GMDS: variants seen among roughly 807,000 people sequenced by gnomAD.
The protein encoded by GMDS is GDP-mannose 4,6 dehydratase.
Under a neutral mutation model 49.9 loss-of-function variants are expected in GMDS, and 20 were observed. The observed-to-expected ratio is 0.40, with a 90% CI of 0.28 to 0.58. The LOEUF (loss-of-function observed/expected upper bound fraction) is 0.58, where lower values mean the gene tolerates loss of function less well. Among genes scored for constraint, GMDS ranks in the 20% least tolerant of loss-of-function variants. The pLI, the probability that GMDS is intolerant of heterozygous loss-of-function variation, is 0.42. For missense variants in GMDS, 362 were observed against 481.4 expected, an observed-to-expected ratio of 0.75 and a Z score of 2.32; for synonymous variants, 177 against 178.6, an observed-to-expected ratio of 0.99 and a Z score of 0.07.
At chr6:1,804,745 A>T (rs1421719206) in intron 7 of GMDS, among the ~76,000 whole-genome samples, 1 of 152,172 alleles carries the variant, frequency 6.6e-6, no homozygotes, top group Non-Finnish European at 1.5e-5. Context: ...CATGGCAGAA[A>T]TGTGTTTATT....
intron 9 of GMDS, among the ~76,000 whole-genome samples, chr6:1,699,899 G>A (rs968966137): frequency 5.3e-5 from 8 of 152,226 alleles, no homozygotes; most frequent in Non-Finnish European, 7.3e-5. Context: ...ACAGCTGAGG[G>A]GCACACACAG....
At chr6:2,206,334 T>C (rs1009202070) in intron 1 of GMDS, among the ~76,000 whole-genome samples, 1 of 151,774 alleles carries the variant, frequency 6.6e-6, no homozygotes, top group Non-Finnish European at 1.5e-5. Flanking sequence ...ATCTTTAATA[T>C]CGGATGCTTC....
intron 1 of GMDS, among the ~76,000 whole-genome samples, chr6:2,200,445 G>A (rs1224904137): frequency 6.6e-6 from 1 of 150,550 alleles, no homozygotes; most frequent in Non-Finnish European, 1.5e-5. Flanking sequence ...CAGGCAGTGA[G>A]GGCAGCATGT....
chr6:1,738,978 A>C (rs1165041405), intron 8 of GMDS, among the ~76,000 whole-genome samples: 1 of 152,192 alleles, frequency 6.6e-6, no homozygotes, highest in Non-Finnish European at 1.5e-5. Context: ...TTCTGGGAGG[A>C]CTTTCTGGAT....
At chr6:2,167,922 A>T (rs1422659326) in intron 1 of GMDS, among the ~76,000 whole-genome samples, 2 of 152,258 alleles carry the variant, frequency 1.3e-5, no homozygotes, top group African/African-American at 4.8e-5. Flanking sequence ...CAGGCAGTCA[A>T]TAAGTACTGC....
chr6:1,913,388 CAAA>C (rs56262461), intron 7 of GMDS, among the ~76,000 whole-genome samples: 15 of 103,932 alleles, frequency 1.4e-4, no homozygotes, highest in South Asian at 9.3e-4. Context: ...CTCAAACAAA[CAAA>C]AAAAAAAAAA....
intron 7 of GMDS, among the ~76,000 whole-genome samples, chr6:1,904,545 C>T (rs779704021): frequency 2.0e-5 from 3 of 152,204 alleles, no homozygotes; most frequent in Admixed American, 6.5e-5. Context: ...GTCCATTTAA[C>T]GAACGAATTT....
chr6:2,161,409 C>G (rs1006253897), intron 1 of GMDS, among the ~76,000 whole-genome samples: 1 of 152,130 alleles, frequency 6.6e-6, no homozygotes, highest in South Asian at 2.1e-4. Flanking sequence ...ACAAATGACA[C>G]GACTGACCAC....
intron 4 of GMDS, among the ~76,000 whole-genome samples, chr6:2,094,038 G>A (rs1773460332): frequency 6.6e-6 from 1 of 152,174 alleles, no homozygotes; most frequent in South Asian, 2.1e-4. Flanking sequence ...ATAATGAAAT[G>A]TGGGCCTTTG....
chr6:2,245,093 C>A (rs1021305547), intron 1 of GMDS, among the ~76,000 whole-genome samples: 2 of 152,222 alleles, frequency 1.3e-5, no homozygotes, highest in Non-Finnish European at 2.9e-5. Flanking sequence ...GCGGCACACA[C>A]GCTCACAGCC....
chr6:1,711,235 C>T (rs913257971), intron 9 of GMDS, among the ~76,000 whole-genome samples: 1 of 152,246 alleles, frequency 6.6e-6, no homozygotes, highest in African/African-American at 2.4e-5. Flanking sequence ...CCCCACTTAC[C>T]GAGGCTTGGC....
At chr6:2,203,922 A>T (rs886711029) in intron 1 of GMDS, among the ~76,000 whole-genome samples, 2 of 152,230 alleles carry the variant, frequency 1.3e-5, no homozygotes, top group Non-Finnish European at 2.9e-5. Flanking sequence ...ATACATCAGC[A>T]TTTAACGTTT....
At chr6:1,991,423 A>G (rs1258154041) in intron 4 of GMDS, among the ~76,000 whole-genome samples, 1 of 152,120 alleles carries the variant, frequency 6.6e-6, no homozygotes, top group African/African-American at 2.4e-5. Flanking sequence ...ACACCTTAGA[A>G]AGAACAGCCT....
At chr6:1,659,504 A>G (rs1294466787) in intron 9 of GMDS, among the ~76,000 whole-genome samples, 1 of 152,062 alleles carries the variant, frequency 6.6e-6, no homozygotes, top group African/African-American at 2.4e-5. Context: ...GTGTTGTACC[A>G]ATAAGCAATA....
chr6:2,095,847 T>C (rs9378321), intron 4 of GMDS, among the ~76,000 whole-genome samples: 79,976 of 151,958 alleles, frequency 0.53, 21,352 homozygotes, highest in East Asian at 0.7. Context: ...ATCCACCAAT[T>C]GTGGAAAGTA....
At position 1,912,050 on chromosome 6, in the gene GMDS, C is replaced by T. The variant is rs114419759; in HGVS notation, c.771+18053G>A. ...TTTCATAATCTTATCATTTTAGAAT[C>T]GACCATTTCTGATCACTAAAAATAA... On this transcript the variant is annotated intron_variant, in intron 7 of 10. Coordinates refer to ENST00000380815, the MANE Select transcript of GMDS (RefSeq NM_001500.4). Among the ~76,000 whole-genome samples, 885 of 152,210 alleles carry T rather than the reference C, an allele frequency of 5.8e-3. 12 individuals are homozygous for T. The highest frequency in any genetic ancestry group is 0.02 in the African/African-American group (834 of 41,534).
intron 9 of GMDS, among the ~76,000 whole-genome samples, chr6:1,705,516 T>G (rs1765700478): frequency 6.6e-6 from 1 of 152,176 alleles, no homozygotes. Flanking sequence ...TTCAGCAAAA[T>G]GTATGAACAG....
chr6:1,923,089 C>T (rs1038693284), intron 7 of GMDS, among the ~76,000 whole-genome samples: 1 of 152,218 alleles, frequency 6.6e-6, no homozygotes, highest in African/African-American at 2.4e-5. Flanking sequence ...CGCCTTCCAC[C>T]ATGACTGTGA....
chr6:1,958,982 G>T (rs1317851441), intron 6 of GMDS, among the ~76,000 whole-genome samples: 1 of 152,134 alleles, frequency 6.6e-6, no homozygotes, highest in East Asian at 1.9e-4. Context: ...GAACTAGCAC[G>T]TTGCTACAGT....
Sources: gnomAD v4.1 joint callset for allele counts (sites outside exome capture counted in the v4.1 genomes callset) on GRCh38, gnomAD v4.1.1 for gene constraint, MANE v1.5 for transcripts, NCBI Gene and HGNC (gene_info 2026-07-23, HGNC 2026-07-21) for gene names.